Variants in ZBTB7C observed in about 807,000 individuals in gnomAD.
The protein encoded by ZBTB7C is zinc finger and BTB domain-containing protein 7C.
Under a neutral mutation model 25.7 loss-of-function variants are expected in ZBTB7C, and 8 were observed. That is an observed-to-expected ratio of 0.31 (90% confidence interval 0.18 to 0.56). The LOEUF (loss-of-function observed/expected upper bound fraction) is 0.56, where lower values mean the gene tolerates loss of function less well. Ranked by LOEUF, ZBTB7C falls within the 20% of genes least tolerant of loss-of-function variation. The pLI, the probability that ZBTB7C is intolerant of heterozygous loss-of-function variation, is 0.91. For missense variants in ZBTB7C, 824 were observed against 855.2 expected (o/e 0.96, Z 0.46); for synonymous variants, 394 against 369.0 (o/e 1.07, Z -0.78).
chr18:48,164,116 T>C (rs2041161176), intron 3 of ZBTB7C, among the ~76,000 whole-genome samples: 1 of 152,208 alleles, frequency 6.6e-6, no homozygotes, highest in East Asian at 1.9e-4. Context: ...ATTAAATTAA[T>C]TGATTTTATT....
intron 1 of ZBTB7C, among the ~76,000 whole-genome samples, chr18:48,348,746 G>T (rs2046797754): frequency 1.3e-5 from 2 of 152,270 alleles, no homozygotes; most frequent in Admixed American, 1.3e-4. Flanking sequence ...CAACCTGGGA[G>T]GCAGAGGTTG....
At chr18:48,032,432 T>TG (rs2035798287) in intron 4 of ZBTB7C, among the ~76,000 whole-genome samples, 2 of 120,710 alleles carry the variant, frequency 1.7e-5, no homozygotes, top group Non-Finnish European at 3.4e-5. Context: ...GTTTTTTTTT[T>TG]TTTTTTTTTT....
chr18:48,385,850 C>T (rs1275442844), intron 1 of ZBTB7C, among the ~76,000 whole-genome samples: 1 of 152,204 alleles, frequency 6.6e-6, no homozygotes, highest in African/African-American at 2.4e-5. Flanking sequence ...GGCAGACACA[C>T]GGCCCATGTG....
upstream of ZBTB7C, among the ~76,000 whole-genome samples, chr18:48,409,931 G>A (rs1441400181): frequency 6.7e-6 from 1 of 149,698 alleles, no homozygotes; most frequent in Non-Finnish European, 1.5e-5. Flanking sequence ...CACCCCCAGC[G>A]CAGGCTTGGG....
At chr18:48,205,243 ACAAAAGGT>A (rs2042551443) in intron 2 of ZBTB7C, among the ~76,000 whole-genome samples, 1 of 152,164 alleles carries the variant, frequency 6.6e-6, no homozygotes, top group African/African-American at 2.4e-5. Flanking sequence ...AGGCTGCTAG[ACAAAAGGT>A]CAATAATCAA....
At chr18:48,324,274 T>C (rs2046164748) in intron 2 of ZBTB7C, among the ~76,000 whole-genome samples, 1 of 152,036 alleles carries the variant, frequency 6.6e-6, no homozygotes. Flanking sequence ...ATGGGTGAGC[T>C]GGAGTCAACC....
At chr18:48,136,678 G>A (rs2040176745) in intron 3 of ZBTB7C, among the ~76,000 whole-genome samples, 1 of 152,204 alleles carries the variant, frequency 6.6e-6, no homozygotes, top group Non-Finnish European at 1.5e-5. Flanking sequence ...GTGGGCCGGC[G>A]GCAATGGGGC....
intron 3 of ZBTB7C, among the ~76,000 whole-genome samples, chr18:48,101,308 T>C (rs1020561246): frequency 1.1e-4 from 17 of 152,154 alleles, no homozygotes; most frequent in African/African-American, 3.1e-4. Context: ...CCAAAAGAAA[T>C]AGAATGTGAG....
intron 2 of ZBTB7C, among the ~76,000 whole-genome samples, chr18:48,304,985 G>A (rs968161946): frequency 8.6e-5 from 13 of 152,028 alleles, no homozygotes; most frequent in African/African-American, 3.1e-4. Context: ...GAGGTGCCTC[G>A]AGCCTTTGTT....
At chr18:48,308,139 C>T (rs2045721178) in intron 2 of ZBTB7C, among the ~76,000 whole-genome samples, 1 of 152,102 alleles carries the variant, frequency 6.6e-6, no homozygotes, top group Non-Finnish European at 1.5e-5. Context: ...CCATGTCAGC[C>T]ATGCAAGGCC....
chr18:48,201,563 T>G (rs1171393377), intron 2 of ZBTB7C, among the ~76,000 whole-genome samples: 3 of 151,598 alleles, frequency 2.0e-5, no homozygotes, highest in African/African-American at 7.3e-5. Flanking sequence ...GTTTCTGGAG[T>G]CTGCCCCTCC....
intron 3 of ZBTB7C, among the ~76,000 whole-genome samples, chr18:48,171,704 A>G (rs2041486884): frequency 6.6e-6 from 1 of 152,206 alleles, no homozygotes; most frequent in East Asian, 1.9e-4. Flanking sequence ...GAGCAGGCAC[A>G]CAGTAGGCAT....
intron 1 of ZBTB7C, among the ~76,000 whole-genome samples, chr18:48,368,242 C>CAAA (rs780636646): frequency 2.1e-5 from 2 of 95,514 alleles, no homozygotes; most frequent in Non-Finnish European, 4.2e-5. Context: ...GAAAGCCTAG[C>CAAA]AAAAAAAAAA....
chr18:48,408,918 C>T (rs1376237300), intron 1 of ZBTB7C, among the ~76,000 whole-genome samples: 1 of 151,222 alleles, frequency 6.6e-6, no homozygotes, highest in Non-Finnish European at 1.5e-5. Flanking sequence ...CTCTCCCCTC[C>T]CTCCTTCCCT....
chr18:48,380,317 A>T (rs1269848383), intron 1 of ZBTB7C, among the ~76,000 whole-genome samples: 1 of 152,202 alleles, frequency 6.6e-6, no homozygotes, highest in African/African-American at 2.4e-5. Context: ...CTACATGCGT[A>T]TATGGGAATT....
chr18:48,228,354 C>A (rs953677527), intron 2 of ZBTB7C, among the ~76,000 whole-genome samples: 6 of 152,124 alleles, frequency 3.9e-5, no homozygotes, highest in Non-Finnish European at 7.4e-5. Context: ...AGAGCAAATC[C>A]CTTCCCAAGC....
chr18:48,143,903 G>A (rs780573270), intron 3 of ZBTB7C, among the ~76,000 whole-genome samples: 4 of 152,232 alleles, frequency 2.6e-5, no homozygotes, highest in African/African-American at 7.2e-5. Flanking sequence ...TGCTGAACCC[G>A]GATCCCTCTC....
intron 1 of ZBTB7C, among the ~76,000 whole-genome samples, chr18:48,403,614 CA>C (rs2048210739): frequency 6.6e-6 from 1 of 152,172 alleles, no homozygotes; most frequent in Non-Finnish European, 1.5e-5. Flanking sequence ...GATTGCAAAA[CA>C]GACAAGGTGC....
chr18:48,343,035 C>T (rs574082518), intron 1 of ZBTB7C, among the ~76,000 whole-genome samples: 7 of 152,232 alleles, frequency 4.6e-5, no homozygotes, highest in Middle Eastern at 3.4e-3. Context: ...TCAGGCCACC[C>T]GGTACAAACA....
Sources: allele counts gnomAD v4.1 joint callset (sites outside exome capture counted in the v4.1 genomes callset), GRCh38; gene constraint gnomAD v4.1.1; transcripts MANE v1.5; gene names NCBI Gene and HGNC (gene_info 2026-07-23, HGNC 2026-07-21).